Variants in SEC62 observed in about 807,000 individuals in gnomAD.
SEC62 encodes the protein SEC62 preprotein translocation factor.
Under a neutral mutation model 47.5 loss-of-function variants are expected in SEC62, and 10 were observed. The observed-to-expected ratio is 0.21, with a 90% CI of 0.13 to 0.36. The LOEUF is 0.36. Ranked by LOEUF, SEC62 falls within the 10% of genes least tolerant of loss-of-function variation. The pLI is 1.00. For missense variants in SEC62, 327 were observed against 464.1 expected (o/e 0.70, Z 2.71); for synonymous variants, 136 against 150.5 (o/e 0.90, Z 0.71).
intron 1 of SEC62, among the ~76,000 whole-genome samples, chr3:169,972,103 A>G (rs548625260): frequency 2.6e-5 from 4 of 152,262 alleles, no homozygotes; most frequent in South Asian, 2.1e-4. Context: ...TCCCTGCCTT[A>G]TGCATTTTTT....
intron 3 of SEC62, among the ~76,000 whole-genome samples, chr3:169,978,935 G>A (rs868231568): frequency 1.3e-5 from 2 of 152,070 alleles, no homozygotes; most frequent in Non-Finnish European, 1.5e-5. Context: ...CTTAACTACC[G>A]CTCTATACTG....
chr3:169,988,507 T>C, intron 7 of SEC62, 148 bp downstream of exon 7: 1 of 904,656 alleles, frequency 1.1e-6, no homozygotes, highest in African/African-American at 1.7e-5. Flanking sequence ...ATCTCAAAAC[T>C]CAGGCTTGGT....
At chr3:169,986,641 G>A (rs1715115002) in intron 6 of SEC62, among the ~76,000 whole-genome samples, 1 of 152,162 alleles carries the variant, frequency 6.6e-6, no homozygotes, top group Non-Finnish European at 1.5e-5. Context: ...TATATAGGCA[G>A]TCTCTGAGAA....
At chr3:169,990,359 A>G (rs957701079) in intron 7 of SEC62, among the ~76,000 whole-genome samples, 1 of 152,080 alleles carries the variant, frequency 6.6e-6, no homozygotes, top group African/African-American at 2.4e-5. Flanking sequence ...TAATAATGCC[A>G]TTTAAAATAA....
intron 1 of SEC62, among the ~76,000 whole-genome samples, chr3:169,972,749 ATT>A (rs150436487): frequency 0.033 from 5,073 of 151,788 alleles, 295 homozygotes; most frequent in African/African-American, 0.12. Context: ...TTTCAAAAAT[ATT>A]TTTTCTGCCC....
intron 6 of SEC62, among the ~76,000 whole-genome samples, chr3:169,987,560 C>T (rs1715138636): frequency 6.6e-6 from 1 of 152,156 alleles, no homozygotes; most frequent in Admixed American, 6.5e-5. Context: ...GTAACTTAGC[C>T]TCAAAAGAGT....
chr3:169,978,638 A>G (rs554989261), intron 3 of SEC62: 1 of 152,270 alleles, frequency 6.6e-6, no homozygotes, highest in African/African-American at 2.4e-5. Context: ...AGACATGAAA[A>G]TAGCTTCAGC....
intron 3 of SEC62, among the ~76,000 whole-genome samples, chr3:169,979,801 G>A (rs1326191945): frequency 2.0e-5 from 3 of 152,120 alleles, no homozygotes; most frequent in African/African-American, 4.8e-5. Flanking sequence ...TGCTACATAT[G>A]TGTGAGTTTT....
intron 1 of SEC62, among the ~76,000 whole-genome samples, chr3:169,972,889 G>A (rs886754603): frequency 1.1e-4 from 17 of 152,092 alleles, no homozygotes; most frequent in Non-Finnish European, 2.2e-4. Flanking sequence ...TGTAAGTCTG[G>A]AAGAACAGGT....
chr3:169,981,716 C>T (rs1714978046), intron 3 of SEC62, among the ~76,000 whole-genome samples: 2 of 152,184 alleles, frequency 1.3e-5, no homozygotes, highest in Admixed American at 6.5e-5. Flanking sequence ...GCAACGTTGA[C>T]TTAATCTGGG....
rs1715310282 is a variant in SEC62, at chr3:169,993,907, G to A, written c.*844G>A. ...GTAAGGGTATGTTTTTAGAGAAATG[G>A]AAGTTTGAGTAACCCACAGAACATC... On this transcript the variant is annotated 3_prime_UTR_variant, in exon 8 of 8. Coordinates refer to ENST00000337002, the MANE Select transcript of SEC62 (RefSeq NM_003262.4). The A allele has an allele frequency of 6.6e-6, 1 of 152,610 alleles. No individual in the cohort carries two copies. The highest frequency in any genetic ancestry group is 1.5e-5 in the Non-Finnish European group (1 of 68,036). 9.5% of individuals were successfully genotyped at this position (152,610 alleles called of 1,614,324 possible).
rs985061358 is a variant in SEC62, at chr3:169,996,301, A to G, written c.*3238A>G. On this transcript the variant is annotated 3_prime_UTR_variant, in exon 8 of 8. Coordinates refer to ENST00000337002, the MANE Select transcript of SEC62 (RefSeq NM_003262.4). ...ATTTGAGTGATGTTTTAAATATCCT[A>G]TGTCTGAAAATAATTCCTCCTAATT... The G allele has an allele frequency of 3.3e-5, 5 of 152,630 alleles. No individual in the cohort carries two copies. Among genetic ancestry groups the G allele is most frequent in the South Asian group, 2.1e-4 (1 of 4,832 alleles). 9.5% of individuals were successfully genotyped at this position (152,630 alleles called of 1,614,324 possible).
intron 1 of SEC62, 120 bp from the exon 2 acceptor site, chr3:169,975,488 C>T: frequency 3.3e-6 from 2 of 597,068 alleles, no homozygotes; most frequent in Non-Finnish European, 5.7e-6. Flanking sequence ...CCAGAGAAAG[C>T]TTGAAAGCAA....
intron 6 of SEC62, among the ~76,000 whole-genome samples, chr3:169,987,252 C>T (rs1259400143): frequency 6.6e-6 from 1 of 151,866 alleles, no homozygotes; most frequent in Non-Finnish European, 1.5e-5. Flanking sequence ...CATGGCGAAA[C>T]CTCGTTTCTA....
At chr3:169,973,127 A>G in intron 1 of SEC62, among the ~76,000 whole-genome samples, 1 of 152,210 alleles carries the variant, frequency 6.6e-6, no homozygotes, top group East Asian at 1.9e-4. Flanking sequence ...ATTATTTACT[A>G]ATTGAGGCTC....
chr3:169,982,960 A>G (rs1007628268), intron 4 of SEC62, 49 bp downstream of exon 4: 1 of 1,546,932 alleles, frequency 6.5e-7, no homozygotes, highest in Non-Finnish European at 8.6e-7. Flanking sequence ...TTATGTGCAC[A>G]TGAACACTAC....
rs1715429033 is a variant in SEC62, at chr3:169,998,068, T to C, written c.*5005T>C. On this transcript the variant is annotated 3_prime_UTR_variant, in exon 8 of 8. Transcript: ENST00000337002. ...CATTGAAGGAAATACTAAATTTTAG[T>C]TTTAGGCTAGTGAAATTAAAGTTAA... is the stretch of plus-strand genomic sequence containing the variant. 1 of 152,226 alleles carries C rather than the reference T, an allele frequency of 6.6e-6. No individual in the cohort carries two copies. Among genetic ancestry groups the C allele is most frequent in the Non-Finnish European group, 1.5e-5 (1 of 68,044 alleles). The allele number at this position is 152,226 out of a possible 1,614,324, so 9.4% of individuals were successfully genotyped here. A position where few individuals can be genotyped will look rare whatever the true frequency, so the allele number is the denominator to read the frequency against.
intron 7 of SEC62, among the ~76,000 whole-genome samples, chr3:169,990,060 ATATAT>A (rs1715208081): frequency 6.7e-6 from 1 of 148,230 alleles, no homozygotes; most frequent in African/African-American, 2.5e-5. Flanking sequence ...GATATGTCAT[ATATAT>A]TATATGATAT....
intron 1 of SEC62, among the ~76,000 whole-genome samples, chr3:169,967,319 A>G (rs1231116616): frequency 1.3e-5 from 2 of 152,302 alleles, no homozygotes; most frequent in East Asian, 3.9e-4. Context: ...GACCTAAAGC[A>G]GCTGGTTCTT....
Sources: gnomAD v4.1 joint callset for allele counts (sites outside exome capture counted in the v4.1 genomes callset) on GRCh38, gnomAD v4.1.1 for gene constraint, MANE v1.5 for transcripts, NCBI Gene and HGNC (gene_info 2026-07-23, HGNC 2026-07-21) for gene names.